MECOM: variants seen among roughly 807,000 people sequenced by gnomAD.
MECOM encodes the protein histone-lysine N-methyltransferase MECOM.
MECOM carries 13 observed loss-of-function variants against 116.3 expected under a neutral mutation model. That is an observed-to-expected ratio of 0.11 (90% CI 0.07 to 0.18). The LOEUF (loss-of-function observed/expected upper bound fraction) is 0.18. Ranked by LOEUF, MECOM falls within the 10% of genes least tolerant of loss-of-function variation. MECOM has a pLI of 1.00. For missense variants in MECOM, 1,299 were observed against 1,509.0 expected, an observed-to-expected ratio of 0.86 and a Z score of 2.31; for synonymous variants, 528 against 535.2, an observed-to-expected ratio of 0.99 and a Z score of 0.19.
At chr3:169,258,189 C>T (rs1409899044) in intron 2 of MECOM, among the ~76,000 whole-genome samples, 1 of 151,978 alleles carries the variant, frequency 6.6e-6, no homozygotes, top group Non-Finnish European at 1.5e-5. Flanking sequence ...CACTGCTCTC[C>T]AGCCTGGGTG....
chr3:169,612,950 T>C (rs1223661091), intron 1 of MECOM, among the ~76,000 whole-genome samples: 2 of 152,140 alleles, frequency 1.3e-5, no homozygotes, highest in Non-Finnish European at 2.9e-5. Context: ...GAAGAGAAGT[T>C]AAATGAGAAG....
chr3:169,263,904 C>G (rs1460949420), intron 2 of MECOM, among the ~76,000 whole-genome samples: 1 of 150,322 alleles, frequency 6.7e-6, no homozygotes, highest in African/African-American at 2.5e-5. Flanking sequence ...AGAAAGATAA[C>G]AAATGAAAAT....
At position 169,115,879 on chromosome 3, in the gene MECOM, T is replaced by C. The variant is rs1266410550; in HGVS notation, c.1993A>G (p.Ile665Val). ...AAGTATTTTTCAGCAATAGAAGCAA[T>C]AGCCTTTATAGAATCATTCACAGCT... ...SGAVNDSIKA[I>V]ASIAEKYFGS... Residue 665 changes from isoleucine (I) to valine (V), a missense_variant, in exon 8 of 17, where the codon ATT becomes GTT. Around this residue, in one of 6 missense-constraint regions of MECOM, gnomAD observed 340 missense variants for 312.6 expected, o/e 1.09. Transcript: ENST00000651503. 1 of 1,614,048 alleles carries C rather than the reference T, an allele frequency of 6.2e-7. No homozygotes were observed. The highest frequency in any genetic ancestry group is 8.5e-7 in the Non-Finnish European group (1 of 1,180,028).
chr3:169,370,891 G>A (rs1729976354), intron 2 of MECOM, among the ~76,000 whole-genome samples: 1 of 151,822 alleles, frequency 6.6e-6, no homozygotes, highest in African/African-American at 2.4e-5. Flanking sequence ...TGGAGAAAAG[G>A]GGCTCTTTAT....
intron 1 of MECOM, among the ~76,000 whole-genome samples, chr3:169,572,270 G>GCAAAA (rs1763997960): frequency 6.6e-6 from 1 of 152,198 alleles, no homozygotes; most frequent in African/African-American, 2.4e-5. Context: ...TTAGAGAAAT[G>GCAAAA]CAAACCAAAA....
chr3:169,640,731 A>C (rs113121506), intron 1 of MECOM, among the ~76,000 whole-genome samples: 3,399 of 152,324 alleles, frequency 0.022, 121 homozygotes, highest in African/African-American at 0.078. Flanking sequence ...GTCAATGTCC[A>C]AGGTCTCAGA....
chr3:169,474,082 T>A (rs1459477922), intron 1 of MECOM, among the ~76,000 whole-genome samples: 2 of 152,186 alleles, frequency 1.3e-5, no homozygotes, highest in African/African-American at 4.8e-5. Context: ...ATTTAGTCAG[T>A]CACCACGTGC....
At chr3:169,247,961 T>TG (rs1755800939) in intron 2 of MECOM, among the ~76,000 whole-genome samples, 1 of 152,216 alleles carries the variant, frequency 6.6e-6, no homozygotes, top group Non-Finnish European at 1.5e-5. Context: ...TTTTGCCCAG[T>TG]GAACCTACAT....
chr3:169,564,829 A>ATTT (rs879556753), intron 1 of MECOM, among the ~76,000 whole-genome samples: 11,249 of 152,236 alleles, frequency 0.074, 880 homozygotes, highest in African/African-American at 0.2. Flanking sequence ...AAATGCTGCA[A>ATTT]ACTAAACCTG....
intron 9 of MECOM, among the ~76,000 whole-genome samples, chr3:169,108,945 A>T (rs1443545131): frequency 6.6e-6 from 1 of 152,236 alleles, no homozygotes; most frequent in East Asian, 1.9e-4. Flanking sequence ...CTCAAAGCCA[A>T]ACATTTGGAA....
intron 1 of MECOM, among the ~76,000 whole-genome samples, chr3:169,451,633 C>T (rs2108669444): frequency 6.6e-6 from 1 of 152,156 alleles, no homozygotes; most frequent in South Asian, 2.1e-4. Flanking sequence ...TTCTAGGTCT[C>T]AATGAGCAAT....
At chr3:169,580,233 A>T (rs1176110113) in intron 1 of MECOM, among the ~76,000 whole-genome samples, 1 of 152,100 alleles carries the variant, frequency 6.6e-6, no homozygotes. Flanking sequence ...CAATTTTTTT[A>T]ATTTCAATAG....
intron 2 of MECOM, among the ~76,000 whole-genome samples, chr3:169,154,120 G>A (rs1741588766): frequency 6.6e-6 from 1 of 152,082 alleles, no homozygotes; most frequent in South Asian, 2.1e-4. Flanking sequence ...TTGCAGCTGA[G>A]TTTGTTCTGT....
At chr3:169,508,569 C>G (rs1755585421) in intron 1 of MECOM, among the ~76,000 whole-genome samples, 1 of 152,120 alleles carries the variant, frequency 6.6e-6, no homozygotes, top group South Asian at 2.1e-4. Flanking sequence ...TCTTACCCAG[C>G]CTGTCAATCC....
chr3:169,477,585 T>G (rs569045468), intron 1 of MECOM, among the ~76,000 whole-genome samples: 1 of 152,372 alleles, frequency 6.6e-6, no homozygotes, highest in East Asian at 1.9e-4. Context: ...AGGCTCTGCG[T>G]CCTGCTCCTG....
intron 1 of MECOM, among the ~76,000 whole-genome samples, chr3:169,484,856 A>G (rs1751910886): frequency 1.9e-5 from 2 of 104,056 alleles, no homozygotes; most frequent in African/African-American, 4.0e-5. Context: ...CAGCTCAGAT[A>G]TATCAGTAGT....
At chr3:169,330,702 C>A (rs1015383249) in intron 2 of MECOM, among the ~76,000 whole-genome samples, 1 of 151,698 alleles carries the variant, frequency 6.6e-6, no homozygotes, top group African/African-American at 2.4e-5. Flanking sequence ...TATTTTTCCT[C>A]TTGATTTTGA....
At chr3:169,348,514 A>C (rs1177936828) in intron 2 of MECOM, among the ~76,000 whole-genome samples, 1 of 151,998 alleles carries the variant, frequency 6.6e-6, no homozygotes, top group Non-Finnish European at 1.5e-5. Context: ...TGAGTAGAAT[A>C]TACTCACACC....
chr3:169,483,641 C>T (rs1751704662), intron 1 of MECOM: 13 of 1,432,564 alleles, frequency 9.1e-6, no homozygotes, highest in African/African-American at 1.5e-5. Context: ...TATTCAAGAA[C>T]TCATACAAAA....
Sources: allele counts gnomAD v4.1 joint callset (sites outside exome capture counted in the v4.1 genomes callset), GRCh38; gene constraint gnomAD v4.1.1; regional missense constraint gnomAD v4.1.1; transcripts MANE v1.5; gene names NCBI Gene and HGNC (gene_info 2026-07-23, HGNC 2026-07-21).